Variants in PLXNC1 observed in about 807,000 individuals in gnomAD.
The protein encoded by PLXNC1 is plexin C1.
Under a neutral mutation model 178.2 loss-of-function variants are expected in PLXNC1, and 75 were observed. That is an observed-to-expected ratio of 0.42 (90% CI 0.35 to 0.51). The LOEUF (loss-of-function observed/expected upper bound fraction) is 0.51, where lower values mean the gene tolerates loss of function less well. Ranked by LOEUF, PLXNC1 falls within the 20% of genes least tolerant of loss-of-function variation. PLXNC1 has a pLI of 0.02. For missense variants in PLXNC1, 1,503 were observed against 1,984.4 expected (o/e 0.76, Z 4.61); for synonymous variants, 790 against 779.9 (o/e 1.01, Z -0.22).
chr12:94,204,941 T>C (rs543548995), intron 4 of PLXNC1, among the ~76,000 whole-genome samples: 1 of 152,312 alleles, frequency 6.6e-6, no homozygotes, highest in Non-Finnish European at 1.5e-5. Context: ...TCAAGCCACT[T>C]ACCTGATATG....
intron 1 of PLXNC1, among the ~76,000 whole-genome samples, chr12:94,162,062 A>G (rs1054871122): frequency 1.3e-5 from 2 of 152,216 alleles, no homozygotes; most frequent in African/African-American, 4.8e-5. Flanking sequence ...TCTTATAAAG[A>G]TGGAGTCTAC....
chr12:94,286,127 G>A (rs946724240), intron 23 of PLXNC1, among the ~76,000 whole-genome samples: 1 of 152,196 alleles, frequency 6.6e-6, no homozygotes, highest in Non-Finnish European at 1.5e-5. Context: ...GGATGATAAT[G>A]AAATTAATCC....
chr12:94,169,123 A>C (rs1044860312), intron 1 of PLXNC1, 30 bp from the exon 2 acceptor site: 1 of 1,584,472 alleles, frequency 6.3e-7, no homozygotes, highest in Non-Finnish European at 8.6e-7. Context: ...AATTATTATT[A>C]TTTTTTTGTG....
chr12:94,289,949 G>A (rs1020369672), intron 23 of PLXNC1, among the ~76,000 whole-genome samples: 2 of 152,172 alleles, frequency 1.3e-5, no homozygotes, highest in African/African-American at 4.8e-5. Context: ...CTGTGTCTAT[G>A]CTATCTTAAT....
At chr12:94,284,107 AAG>A in intron 23 of PLXNC1, among the ~76,000 whole-genome samples, 1 of 151,776 alleles carries the variant, frequency 6.6e-6, no homozygotes, top group East Asian at 1.9e-4. Flanking sequence ...AAAAAAAAAA[AAG>A]CAGGGTTTGC....
chr12:94,241,240 G>T (rs894538154), intron 11 of PLXNC1, among the ~76,000 whole-genome samples: 3 of 151,970 alleles, frequency 2.0e-5, no homozygotes, highest in Non-Finnish European at 4.4e-5. Context: ...CATAATACTT[G>T]TACATGTTTA....
chr12:94,239,948 T>C (rs999671949), intron 10 of PLXNC1, among the ~76,000 whole-genome samples: 3 of 152,180 alleles, frequency 2.0e-5, no homozygotes, highest in Non-Finnish European at 4.4e-5. Flanking sequence ...AACTCAAACA[T>C]AATACAAGAG....
At chr12:94,165,991 C>T (rs1961593014) in intron 1 of PLXNC1, among the ~76,000 whole-genome samples, 1 of 152,002 alleles carries the variant, frequency 6.6e-6, no homozygotes, top group South Asian at 2.1e-4. Flanking sequence ...TCTCCCTGCC[C>T]AGGACTGGGC....
At chr12:94,168,506 T>C (rs1218320134) in intron 1 of PLXNC1, among the ~76,000 whole-genome samples, 1 of 152,208 alleles carries the variant, frequency 6.6e-6, no homozygotes, top group Non-Finnish European at 1.5e-5. Context: ...GTTAGACTTT[T>C]TGTTTTCCCC....
At chr12:94,300,863 T>C (rs1407166418) in intron 27 of PLXNC1, 47 bp from the exon 28 acceptor site, 1 of 1,571,320 alleles carries the variant, frequency 6.4e-7, no homozygotes, top group East Asian at 2.3e-5. Flanking sequence ...GACCATTGGC[T>C]TCATGAATGG....
At position 94,289,160 on chromosome 12, in the gene PLXNC1, T is replaced by G. The variant is rs1967011284; in HGVS notation, c.3880-5326T>G. 2.6e-5 allele frequency among the ~76,000 whole-genome samples: 4 copies of G among 152,196 alleles called. No individual in the cohort carries two copies. The South Asian group carries it at 8.3e-4, about 31-fold the overall frequency. ...ATAAACATGGTATCTTATAAAGAAA[T>G]CTTACCTTCACTTGCAAGTGGTTTG... is the stretch of plus-strand genomic sequence containing the variant. On this transcript the variant is annotated intron_variant, in intron 23 of 30. Coordinates refer to ENST00000258526, the MANE Select transcript of PLXNC1 (RefSeq NM_005761.3).
chr12:94,186,171 C>T (rs1430126353), intron 3 of PLXNC1: 5 of 523,212 alleles, frequency 9.6e-6, no homozygotes, highest in South Asian at 2.2e-5. Flanking sequence ...CCTGGGAATA[C>T]GCACTGTCAA....
chr12:94,217,693 T>C (rs1186416961), intron 5 of PLXNC1, among the ~76,000 whole-genome samples: 2 of 152,176 alleles, frequency 1.3e-5, no homozygotes, highest in Admixed American at 1.3e-4. Context: ...TTCTAAGGGG[T>C]ACCTTGACTG....
rs149609789 is a variant in PLXNC1 at position 94,185,238 on chromosome 12, C to T, written c.1339-1135C>T. On this transcript the variant is annotated intron_variant, in intron 3 of 30. Transcript: ENST00000258526. ...TGTTGGGGACTATGAAATGGAAGGG[C>T]GTGGTTATCCTCCATGAAGTCAACT... Among the ~76,000 whole-genome samples the T allele has an allele frequency of 2.2e-4, 33 of 152,250 alleles. No individual in the cohort carries two copies. The East Asian group carries it at 4.1e-3, about 19-fold the overall frequency.
chr12:94,305,261 A>G lies in PLXNC1; in HGVS notation c.4683A>G (p.Glu1561=). 1 of 1,610,320 alleles carries G rather than the reference A, an allele frequency of 6.2e-7. No homozygotes were observed. The highest frequency in any genetic ancestry group is 1.3e-5 in the African/African-American group (1 of 74,914). The change falls in exon 31 of 31, where the codon GAA becomes GAG. Residue 1561 remains glutamate, a synonymous_variant. Coordinates refer to ENST00000258526, the MANE Select transcript of PLXNC1 (RefSeq NM_005761.3). The part of the protein sequence containing the change: ...QLLHVKVLFD[E]KKKCKWM ...TGCATGTAAAAGTCTTATTTGATGAAAAGAAGAAATGCAAGTGGATGTAAG... is the reference window on the plus strand; with the variant it reads ...TGCATGTAAAAGTCTTATTTGATGAGAAGAAGAAATGCAAGTGGATGTAAG...
chr12:94,253,102 T>G (rs2136071159), intron 15 of PLXNC1, among the ~76,000 whole-genome samples: 1 of 148,646 alleles, frequency 6.7e-6, no homozygotes, highest in Middle Eastern at 3.5e-3. Context: ...TCCCAGCTAC[T>G]CAGGAGGCTG....
chr12:94,226,006 A>G (rs962596312), intron 7 of PLXNC1, among the ~76,000 whole-genome samples: 1 of 152,232 alleles, frequency 6.6e-6, no homozygotes, highest in Admixed American at 6.5e-5. Flanking sequence ...CCCTGTTTCC[A>G]GATCAACCCT....
At chr12:94,246,645 T>C (rs1297214134) in intron 12 of PLXNC1, among the ~76,000 whole-genome samples, 1 of 152,212 alleles carries the variant, frequency 6.6e-6, no homozygotes, top group Non-Finnish European at 1.5e-5. Flanking sequence ...GGTGATCCTC[T>C]CACCTGCAAT....
In PLXNC1 at chr12:94,279,824, TG is replaced by T. The variant is rs763495020; in HGVS notation, c.3775+178del. The stretch of plus-strand genomic sequence containing the variant: ...GCCAAGAGACTGCTTTGGTCTCTCA[TG>T]GGCATCCTGATTCTTCGAAGGAAGC... On this transcript the variant is annotated intron_variant, in intron 22 of 30. Transcript: ENST00000258526. 9 of 712,290 alleles carry T rather than the reference TG, an allele frequency of 1.3e-5. 1 individual carries two copies. The South Asian group carries it at 1.3e-4, about 11-fold the overall frequency. 44.1% of individuals were successfully genotyped at this position (712,290 alleles called of 1,614,324 possible).
Sources: gnomAD v4.1 joint callset for allele counts (sites outside exome capture counted in the v4.1 genomes callset) on GRCh38, gnomAD v4.1.1 for gene constraint, MANE v1.5 for transcripts, NCBI Gene and HGNC (gene_info 2026-07-23, HGNC 2026-07-21) for gene names.